Variants in SLC24A2 observed in about 807,000 individuals in gnomAD.
SLC24A2 encodes the protein solute carrier family 24 member 2.
A neutral mutation model predicts 62.0 loss-of-function variants in SLC24A2; 36 were observed. The ratio of observed to expected loss-of-function variants is 0.58; its 90% CI spans 0.44 to 0.77. The LOEUF (loss-of-function observed/expected upper bound fraction) is 0.77. Ranked by LOEUF, SLC24A2 falls within the 30% of genes least tolerant of loss-of-function variation. SLC24A2 has a pLI of 0.00. For synonymous variants in SLC24A2, 358 were observed against 294.0 expected (o/e 1.22, Z -2.23); for missense variants, 846 against 817.9 (o/e 1.03, Z -0.42).
chr9:19,621,888 G>A (rs1817916844), intron 3 of SLC24A2, among the ~76,000 whole-genome samples: 1 of 152,100 alleles, frequency 6.6e-6, no homozygotes, highest in Non-Finnish European at 1.5e-5. Flanking sequence ...ATCAAAGTAT[G>A]TGCATGCAGA....
intron 2 of SLC24A2, among the ~76,000 whole-genome samples, chr9:19,682,986 A>G (rs1885227): frequency 0.031 from 4,654 of 152,260 alleles, 152 homozygotes; most frequent in East Asian, 0.095. Context: ...GGTTTAGAGT[A>G]AAAAATACAC....
At chr9:20,240,201 C>A in the SLC24A2 span, among the ~76,000 whole-genome samples, 1 of 152,042 alleles carries the variant, frequency 6.6e-6, no homozygotes, top group African/African-American at 2.4e-5. Context: ...GAGCAGCCAC[C>A]CTACCTGGGC....
intron 7 of SLC24A2, among the ~76,000 whole-genome samples, chr9:19,557,752 T>G (rs1029199631): frequency 9.4e-5 from 14 of 149,552 alleles, no homozygotes; most frequent in African/African-American, 3.3e-4. Flanking sequence ...AATTGACTTT[T>G]TTTTTTTTTA....
At chr9:19,710,212 T>G (rs1324275179) in intron 2 of SLC24A2, among the ~76,000 whole-genome samples, 1 of 152,196 alleles carries the variant, frequency 6.6e-6, no homozygotes, top group Non-Finnish European at 1.5e-5. Flanking sequence ...ATTCAACAAC[T>G]GTGTACCATG....
the SLC24A2 span, among the ~76,000 whole-genome samples, chr9:20,176,566 G>T: frequency 6.6e-6 from 1 of 152,094 alleles, no homozygotes; most frequent in African/African-American, 2.4e-5. Context: ...AAACAGCAAT[G>T]GCTGGAAACA....
At chr9:20,005,049 C>T in the SLC24A2 span, among the ~76,000 whole-genome samples, 25 of 152,062 alleles carry the variant, frequency 1.6e-4, 1 homozygote, top group South Asian at 2.3e-3. Flanking sequence ...TGGTTGTCAG[C>T]GAAATAGTTA....
the SLC24A2 span, among the ~76,000 whole-genome samples, chr9:19,961,475 T>C: frequency 2.0e-5 from 3 of 152,178 alleles, no homozygotes; most frequent in African/African-American, 7.2e-5. Context: ...GAAAGAACTC[T>C]ACATATTAAG....
chr9:19,744,115 A>G (rs566493560), intron 2 of SLC24A2, among the ~76,000 whole-genome samples: 8 of 152,252 alleles, frequency 5.3e-5, no homozygotes, highest in Admixed American at 3.3e-4. Context: ...CAATACATCA[A>G]TGACACCAAA....
the SLC24A2 span, among the ~76,000 whole-genome samples, chr9:20,127,094 C>T: frequency 2.6e-5 from 4 of 152,054 alleles, no homozygotes; most frequent in South Asian, 8.3e-4. Context: ...CCCCTCTTCT[C>T]TTCATGTCTT....
the SLC24A2 span, among the ~76,000 whole-genome samples, chr9:20,085,637 T>C: frequency 6.6e-6 from 1 of 152,236 alleles, no homozygotes; most frequent in Non-Finnish European, 1.5e-5. Context: ...CATCTCACTG[T>C]TACAGCTAGT....
the SLC24A2 span, among the ~76,000 whole-genome samples, chr9:20,038,632 C>A: frequency 0.61 from 66,192 of 107,764 alleles, 16,314 homozygotes; most frequent in East Asian, 0.8. Context: ...AAGAAACAAA[C>A]AAAAAAAAAA....
the SLC24A2 span, among the ~76,000 whole-genome samples, chr9:20,098,616 C>T: frequency 7.3e-3 from 1,115 of 152,284 alleles, 13 homozygotes; most frequent in African/African-American, 0.025. Flanking sequence ...CCCAAAGATA[C>T]TAACTGGCCA....
At position 19,515,893 on chromosome 9, in the gene SLC24A2, T is replaced by A; in HGVS notation, c.*260A>T. ...GTACCTCCGACCAGCGAGGTGTACT[T>A]GTCAGTGGTGAATAGGGAGAAGCCC... On this transcript the variant is annotated 3_prime_UTR_variant, in exon 11 of 11. Coordinates refer to ENST00000341998, the MANE Select transcript of SLC24A2 (RefSeq NM_020344.4). 1 of 480,476 alleles carries A rather than the reference T, an allele frequency of 2.1e-6. No homozygotes were observed. The highest frequency in any genetic ancestry group is 2.0e-5 in the South Asian group (1 of 49,432). The allele number at this position is 480,476 out of a possible 1,614,324, so 29.8% of individuals were successfully genotyped here. A position where few individuals can be genotyped will look rare whatever the true frequency, so the allele number is the denominator to read the frequency against.
At chr9:19,560,942 G>GAC (rs58039191) in intron 7 of SLC24A2, among the ~76,000 whole-genome samples, 5,409 of 133,306 alleles carry the variant, frequency 0.041, 136 homozygotes, top group Middle Eastern at 0.068. Flanking sequence ...GAGAGAGAGA[G>GAC]AGAGACAGAG....
At chr9:20,178,538 T>C in the SLC24A2 span, among the ~76,000 whole-genome samples, 7 of 152,070 alleles carry the variant, frequency 4.6e-5, no homozygotes, top group Non-Finnish European at 1.0e-4. Flanking sequence ...TAGCTGTGGG[T>C]TTCCTTTTTC....
intron 4 of SLC24A2, among the ~76,000 whole-genome samples, chr9:19,610,739 A>G (rs1837133908): frequency 6.6e-6 from 1 of 152,252 alleles, no homozygotes; most frequent in Non-Finnish European, 1.5e-5. Context: ...AGAACCATCA[A>G]GTAAATAGAA....
the SLC24A2 span, among the ~76,000 whole-genome samples, chr9:20,289,041 C>T: frequency 1.3e-5 from 2 of 152,140 alleles, no homozygotes; most frequent in African/African-American, 4.8e-5. Context: ...TCTTCAGCCA[C>T]TGAAGATAAT....
At chr9:19,608,318 T>G (rs903180410) in intron 4 of SLC24A2, among the ~76,000 whole-genome samples, 2 of 142,480 alleles carry the variant, frequency 1.4e-5, no homozygotes, top group African/African-American at 5.2e-5. Context: ...ATTTTGAAGC[T>G]TTTTTTTTTT....
the SLC24A2 span, among the ~76,000 whole-genome samples, chr9:20,117,588 T>C: frequency 6.6e-6 from 1 of 152,160 alleles, no homozygotes; most frequent in Non-Finnish European, 1.5e-5. Flanking sequence ...GTATGCTAAA[T>C]GACAATCTAA....
Sources: allele counts gnomAD v4.1 joint callset (sites outside exome capture counted in the v4.1 genomes callset), GRCh38; gene constraint gnomAD v4.1.1; transcripts MANE v1.5; gene names NCBI Gene and HGNC (gene_info 2026-07-23, HGNC 2026-07-21).